Variants in HLCS observed in about 807,000 individuals in gnomAD.
HLCS encodes the protein holocarboxylase synthetase.
A neutral mutation model predicts 75.0 loss-of-function variants in HLCS; 53 were observed. The observed-to-expected ratio is 0.71, with a 90% CI of 0.57 to 0.89. HLCS has a LOEUF of 0.89. Among genes scored for constraint, HLCS ranks in the 40% least tolerant of loss-of-function variants. The pLI is 0.00. For synonymous variants in HLCS, 431 were observed against 428.6 expected, an observed-to-expected ratio of 1.01 and a Z score of -0.07; for missense variants, 966 against 1,074.0, an observed-to-expected ratio of 0.90 and a Z score of 1.41.
intron 2 of HLCS, among the ~76,000 whole-genome samples, chr21:36,955,562 GTGTT>G (rs1175214788): frequency 2.6e-5 from 4 of 152,108 alleles, no homozygotes; most frequent in South Asian, 2.1e-4. Flanking sequence ...GCTGTACAAT[GTGTT>G]TGTTTTAAGC....
intron 6 of HLCS, among the ~76,000 whole-genome samples, chr21:36,859,627 G>A (rs2063317426): frequency 6.6e-6 from 1 of 152,222 alleles, no homozygotes; most frequent in Non-Finnish European, 1.5e-5. Flanking sequence ...CCCACAGCTG[G>A]AGTGGCCTTG....
chr21:36,823,224 G>A (rs1289865082), intron 6 of HLCS, among the ~76,000 whole-genome samples: 1 of 152,158 alleles, frequency 6.6e-6, no homozygotes, highest in African/African-American at 2.4e-5. Flanking sequence ...GATGCACAAT[G>A]CCTGGAAGAG....
At chr21:36,868,943 A>G (rs1376139610) in intron 6 of HLCS, among the ~76,000 whole-genome samples, 1 of 152,056 alleles carries the variant, frequency 6.6e-6, no homozygotes, top group African/African-American at 2.4e-5. Context: ...CCCTCTCTCC[A>G]AGGGACAGTT....
chr21:36,898,446 C>CAAAAAAAAAAAAAAAAAAA (rs58625493), intron 5 of HLCS, among the ~76,000 whole-genome samples: 2 of 49,534 alleles, frequency 4.0e-5, no homozygotes, highest in Non-Finnish European at 7.3e-5. Flanking sequence ...AACTCCATCT[C>CAAAAAAAAAAAAAAAAAAA]AAAAAAAAAA....
chr21:36,794,760 AT>A (rs1210216393), intron 6 of HLCS, among the ~76,000 whole-genome samples: 5 of 152,174 alleles, frequency 3.3e-5, no homozygotes, highest in African/African-American at 1.2e-4. Flanking sequence ...TGTTCTGCAC[AT>A]TTTGAAAGTG....
At chr21:36,870,150 G>A (rs994368075) in intron 6 of HLCS, among the ~76,000 whole-genome samples, 2 of 152,160 alleles carry the variant, frequency 1.3e-5, no homozygotes, top group African/African-American at 4.8e-5. Flanking sequence ...GGTTGCTTTT[G>A]TGTCTCGCCC....
intron 2 of HLCS, among the ~76,000 whole-genome samples, chr21:36,958,160 G>A (rs1375152226): frequency 2.7e-5 from 4 of 145,594 alleles, no homozygotes; most frequent in East Asian, 2.1e-4. Context: ...GGAGGATGGC[G>A]TCAACCTGGG....
intron 6 of HLCS, among the ~76,000 whole-genome samples, chr21:36,770,811 T>C (rs1433971337): frequency 3.9e-5 from 6 of 152,134 alleles, no homozygotes; most frequent in Admixed American, 6.5e-5. Flanking sequence ...TTAAAATTTA[T>C]TTTGAATTTT....
rs1453994639 is a variant in HLCS, at chr21:36,810,948, AT to A, written c.1893-43664del. On this transcript the variant is annotated intron_variant, in intron 6 of 10. Transcript: ENST00000674895. The stretch of plus-strand genomic sequence containing the variant: ...AATTTGAGCAAAGAGAATAAGGATC[AT>A]AATTAATAATAAAATTCTGAAGAAA... 3.3e-5 allele frequency among the ~76,000 whole-genome samples: 5 copies of A among 152,354 alleles called. No individual in the cohort carries two copies. The East Asian group carries it at 9.6e-4, about 29-fold the overall frequency.
At chr21:36,859,621 C>T (rs2063317083) in intron 6 of HLCS, among the ~76,000 whole-genome samples, 1 of 152,254 alleles carries the variant, frequency 6.6e-6, no homozygotes, top group Admixed American at 6.5e-5. Context: ...CTCAAACCCA[C>T]AGCTGGAGTG....
At chr21:36,946,193 T>C in intron 2 of HLCS, 2 of 586,180 alleles carry the variant, frequency 3.4e-6, no homozygotes, top group Non-Finnish European at 2.1e-6. Flanking sequence ...TCTTAGACAT[T>C]ACAACAGTTT....
chr21:36,861,141 A>G (rs777625701), intron 6 of HLCS, among the ~76,000 whole-genome samples: 16 of 152,192 alleles, frequency 1.1e-4, no homozygotes, highest in Non-Finnish European at 2.1e-4. Context: ...GGTCCCTCTC[A>G]TTACAGAGCA....
intron 6 of HLCS, among the ~76,000 whole-genome samples, chr21:36,802,666 A>G (rs1488671004): frequency 2.0e-5 from 3 of 152,156 alleles, no homozygotes; most frequent in Admixed American, 2.0e-4. Context: ...AGCCCTTTCC[A>G]CTTTTCTTTG....
At chr21:36,873,389 C>T (rs8131843) in intron 6 of HLCS, among the ~76,000 whole-genome samples, 142,719 of 152,306 alleles carry the variant, frequency 0.94, 66,974 homozygotes, top group East Asian at 1. Context: ...GTGCTGGGAT[C>T]ACAAGCGTGA....
chr21:36,804,667 G>T (rs530545619), intron 6 of HLCS, among the ~76,000 whole-genome samples: 1 of 152,220 alleles, frequency 6.6e-6, no homozygotes, highest in African/African-American at 2.4e-5. Flanking sequence ...ACCCTCTGTG[G>T]TCCTCAAAGG....
intron 6 of HLCS, among the ~76,000 whole-genome samples, chr21:36,882,770 G>T (rs1267585479): frequency 6.6e-6 from 1 of 151,822 alleles, no homozygotes; most frequent in African/African-American, 2.4e-5. Flanking sequence ...CCAGTCTGAG[G>T]TTTTTGTATT....
At chr21:36,774,105 A>G (rs1385150021) in intron 6 of HLCS, among the ~76,000 whole-genome samples, 1 of 152,220 alleles carries the variant, frequency 6.6e-6, no homozygotes, top group East Asian at 1.9e-4. Flanking sequence ...AGTGAGGCCC[A>G]TGAGACAGCT....
chr21:36,771,874 C>G (rs1487285683), intron 6 of HLCS, among the ~76,000 whole-genome samples: 2 of 151,944 alleles, frequency 1.3e-5, no homozygotes, highest in Non-Finnish European at 2.9e-5. Context: ...TGGCGGGTGC[C>G]TGTAATCCCA....
intron 6 of HLCS, among the ~76,000 whole-genome samples, chr21:36,839,554 TAGC>T (rs147227782): frequency 0.017 from 2,522 of 152,272 alleles, 26 homozygotes; most frequent in Middle Eastern, 0.058. Flanking sequence ...GGAGAGCAGA[TAGC>T]AGCAGATGAC....
Sources: allele counts gnomAD v4.1 joint callset (sites outside exome capture counted in the v4.1 genomes callset), GRCh38; gene constraint gnomAD v4.1.1; transcripts MANE v1.5; gene names NCBI Gene and HGNC (gene_info 2026-07-23, HGNC 2026-07-21).